PYY: variants seen among roughly 807,000 people sequenced by gnomAD.
The protein encoded by PYY is peptide YY.
In PYY, 12 loss-of-function variants were observed where a neutral mutation model predicts 10.3. That is an observed-to-expected ratio of 1.17 (90% CI 0.75 to 1.89). The LOEUF (loss-of-function observed/expected upper bound fraction) is 1.89. Ranked by LOEUF, PYY falls within the 40% of genes most tolerant of loss-of-function variation. PYY has a pLI of 0.00. For missense variants in PYY, 141 were observed against 134.0 expected (o/e 1.05, Z -0.26); for synonymous variants, 66 against 62.0 (o/e 1.06, Z -0.30).
intron 1 of PYY, 68 bp from the exon 2 acceptor site, chr17:43,953,551 G>A: frequency 1.4e-6 from 2 of 1,395,286 alleles, no homozygotes; most frequent in South Asian, 1.5e-5. Context: ...GGCTGCGGCT[G>A]CCGTCGGGGC....
intron 2 of PYY, among the ~76,000 whole-genome samples, chr17:43,961,427 G>C (rs1212805845): frequency 6.6e-6 from 1 of 152,196 alleles, no homozygotes; most frequent in Non-Finnish European, 1.5e-5. Flanking sequence ...TGGAAATAAA[G>C]AGTATGATGA....
At chr17:43,968,894 G>A (rs550533311) in intron 1 of PYY, among the ~76,000 whole-genome samples, 3 of 151,934 alleles carry the variant, frequency 2.0e-5, no homozygotes, top group African/African-American at 7.3e-5. Flanking sequence ...GATCGCCTGA[G>A]GTCAGGAGTT....
At chr17:43,971,591 A>G (rs1162050351) in intron 1 of PYY, among the ~76,000 whole-genome samples, 1 of 149,266 alleles carries the variant, frequency 6.7e-6, no homozygotes, top group Non-Finnish European at 1.5e-5. Context: ...AAAAAATTGC[A>G]TCTTTCTGTT....
intron 1 of PYY, among the ~76,000 whole-genome samples, chr17:43,982,014 C>T (rs1351367902): frequency 6.6e-6 from 1 of 152,184 alleles, no homozygotes; most frequent in African/African-American, 2.4e-5. Context: ...TTTCCATAAA[C>T]ATTTTAAATC....
Position 43,993,327 on chromosome 17 carries a change from G to A in PYY, c.-463+11064C>T, listed in dbSNP as rs545505853. On this transcript the variant is annotated intron_variant, in intron 1 of 6. Coordinates refer to the PYY transcript ENST00000360085. ...TACAAAAAATTAGCCGGGCGTGGTG[G>A]TGGTGTCTGTAGTCCCAGGTACTCG... Among the ~76,000 whole-genome samples, 44 of 152,190 alleles carry A rather than the reference G, an allele frequency of 2.9e-4. No individual in the cohort carries two copies. In the South Asian group the frequency reaches 8.9e-3, roughly 31 times the overall value.
chr17:43,992,736 A>G (rs1035733724), intron 1 of PYY, among the ~76,000 whole-genome samples: 1 of 151,982 alleles, frequency 6.6e-6, no homozygotes, highest in African/African-American at 2.4e-5. Flanking sequence ...AAAATACAAA[A>G]TTAGTCGGGT....
chr17:43,970,505 T>TAA (rs74436025), intron 1 of PYY, among the ~76,000 whole-genome samples: 2 of 132,602 alleles, frequency 1.5e-5, no homozygotes, highest in African/African-American at 2.8e-5. Context: ...AGACCCTGTC[T>TAA]AAAAAAAAAA....
At chr17:43,970,201 TAAAAAAAAAA>T (rs59609569) in intron 1 of PYY, among the ~76,000 whole-genome samples, 1 of 95,584 alleles carries the variant, frequency 1.0e-5, no homozygotes, top group African/African-American at 3.7e-5. Flanking sequence ...CCCTGTCTCT[TAAAAAAAAAA>T]AAAAAAAAAA....
At chr17:43,989,140 C>T (rs576443761) in intron 1 of PYY, among the ~76,000 whole-genome samples, 13 of 151,902 alleles carry the variant, frequency 8.6e-5, no homozygotes, top group African/African-American at 1.4e-4. Context: ...TTCGGGAGGC[C>T]AAGGCGGGCG....
At chr17:43,995,644 A>T (rs1294992735) in intron 1 of PYY, among the ~76,000 whole-genome samples, 2 of 149,884 alleles carry the variant, frequency 1.3e-5, no homozygotes, top group East Asian at 4.0e-4. Context: ...GACCAGCCTG[A>T]CCAACATGGT....
At chr17:43,958,851 T>C (rs1183300011), upstream of PYY, among the ~76,000 whole-genome samples, 1 of 152,230 alleles carries the variant, frequency 6.6e-6, no homozygotes, top group Non-Finnish European at 1.5e-5. Context: ...TGTAATCATA[T>C]AATTGAATTA....
intron 1 of PYY, among the ~76,000 whole-genome samples, chr17:43,978,927 G>C (rs189622598): frequency 6.6e-6 from 1 of 152,306 alleles, no homozygotes; most frequent in African/African-American, 2.4e-5. Context: ...CCTGTAAAGT[G>C]CCCTTATCCA....
At chr17:43,990,070 G>A (rs942253113) in intron 1 of PYY, among the ~76,000 whole-genome samples, 1 of 151,314 alleles carries the variant, frequency 6.6e-6, no homozygotes, top group Non-Finnish European at 1.5e-5. Context: ...CTCACAGATG[G>A]CAAGAATACA....
intron 2 of PYY, among the ~76,000 whole-genome samples, chr17:43,961,813 C>A (rs796822701): frequency 1.6e-4 from 24 of 152,174 alleles, no homozygotes; most frequent in African/African-American, 2.2e-4. Context: ...CGTGAGCCAC[C>A]GTGCCCGGCC....
upstream of PYY, chr17:43,954,034 T>TC (rs1567924962): frequency 6.5e-6 from 1 of 153,286 alleles, no homozygotes; most frequent in African/African-American, 2.4e-5. Flanking sequence ...GGGCCCTTCT[T>TC]CCTCCCTCCT....
intron 1 of PYY, among the ~76,000 whole-genome samples, chr17:43,971,202 G>A (rs916379080): frequency 3.3e-5 from 5 of 152,036 alleles, no homozygotes; most frequent in Admixed American, 6.6e-5. Context: ...GCACCCTCTC[G>A]GCACTTCGGA....
At chr17:43,957,741 A>G (rs1214765256), upstream of PYY, among the ~76,000 whole-genome samples, 2 of 152,212 alleles carry the variant, frequency 1.3e-5, no homozygotes, top group African/African-American at 4.8e-5. Flanking sequence ...AGCCGGGTGT[A>G]GTGGCTCATG....
chr17:44,000,545 C>A (rs1427910525), intron 1 of PYY, among the ~76,000 whole-genome samples: 1 of 149,520 alleles, frequency 6.7e-6, no homozygotes, highest in Non-Finnish European at 1.5e-5. Context: ...GCTGAGAATG[C>A]CTGAGAATGC....
chr17:43,984,654 C>G (rs1240455800), intron 1 of PYY, among the ~76,000 whole-genome samples: 6 of 152,176 alleles, frequency 3.9e-5, no homozygotes, highest in African/African-American at 1.4e-4. Flanking sequence ...CCTAAGACAC[C>G]AGCGTGTTAG....
Sources: gnomAD v4.1 joint callset for allele counts (sites outside exome capture counted in the v4.1 genomes callset) on GRCh38, gnomAD v4.1.1 for gene constraint, MANE v1.5 for transcripts, NCBI Gene and HGNC (gene_info 2026-07-23, HGNC 2026-07-21) for gene names.